Variants in PKP3 observed in about 807,000 individuals in gnomAD.
PKP3 encodes the protein plakophilin-3.
Under a neutral mutation model 76.5 loss-of-function variants are expected in PKP3, and 66 were observed. The observed-to-expected ratio is 0.86, with a 90% CI of 0.71 to 1.06. PKP3 has a LOEUF of 1.06. PKP3 is among the 50% of genes least tolerant of loss of function. PKP3 has a pLI of 0.00. For synonymous variants in PKP3, 638 were observed against 516.5 expected (o/e 1.24, Z -3.19); for missense variants, 1,338 against 1,141.0 (o/e 1.17, Z -2.49).
intron 2 of PKP3, 60 bp from the exon 3 acceptor site, chr11:396,754 C>T: frequency 1.9e-6 from 3 of 1,572,494 alleles, no homozygotes; most frequent in South Asian, 2.3e-5. Context: ...GGAGGCTCTG[C>T]AGCGGGCCCG....
In PKP3 at chr11:396,666, C is replaced by T; in HGVS notation, c.291C>T (p.Gly97=). The change falls in exon 2 of 13, where the codon GGC becomes GGT. Residue 97 remains glycine (G), a synonymous_variant. Transcript: ENST00000331563. The part of the protein sequence containing the change: ...LQAGFSSRSQ[G]LSGDKTSGFR... ...CTGGCTTCAGCTCTCGCTCTCAGGG[C>T]CTGAGTGGGGACAAGACCTCGGTGA... 1 of 1,611,164 alleles carries T rather than the reference C, an allele frequency of 6.2e-7. No individual in the cohort carries two copies.
chr11:403,602 C>T lies in PKP3; in HGVS notation c.1924-16C>T. 6.2e-7 allele frequency: 1 copy of T among 1,600,350 alleles called. No homozygotes were observed. Among genetic ancestry groups the T allele is most frequent in the Non-Finnish European group, 8.5e-7 (1 of 1,178,418 alleles). On this transcript the variant is annotated splice_polypyrimidine_tract_variant and intron_variant, in intron 9 of 12. Coordinates refer to ENST00000331563, the MANE Select transcript of PKP3 (RefSeq NM_007183.4). ...TGAGGCCTCCGGGTCACGGCTCACA[C>T]CCTCCCTCCCCACAGTGGGCGGGGG...
Position 400,103 on chromosome 11 carries a change from G to A in PKP3, c.1410G>A (p.Ser470=), listed in dbSNP as rs749983629. 40 of 1,587,332 alleles carry A rather than the reference G, an allele frequency of 2.5e-5. No homozygotes were observed. Among genetic ancestry groups the A allele is most frequent in the Non-Finnish European group, 3.0e-5 (35 of 1,170,856 alleles). The change falls in exon 6 of 13, where the codon TCG becomes TCA. Residue 470 remains serine (S), a synonymous_variant. Transcript: ENST00000331563. ...GGPPLIQQNA[S]EAEIFYNATG... is the part of the protein sequence containing the mutation. ...CCCCCCTCATCCAGCAGAACGCCTC[G>A]GAGGCAGAGATCTTCTACAACGCCA...
In PKP3 at chr11:394,257, G is replaced by A. The variant is rs966242838; in HGVS notation, c.-36G>A. 13 of 1,463,246 alleles carry A rather than the reference G, an allele frequency of 8.9e-6. No homozygotes were observed. In the African/African-American group the frequency reaches 1.5e-4, roughly 17 times the overall value. The allele number at this position is 1,463,246 out of a possible 1,614,324, so 90.6% of individuals were successfully genotyped here. A position where few individuals can be genotyped will look rare whatever the true frequency, so the allele number is the denominator to read the frequency against. On this transcript the variant is annotated 5_prime_UTR_variant, in exon 1 of 13. Coordinates refer to ENST00000331563, the MANE Select transcript of PKP3 (RefSeq NM_007183.4). ...GACGTGAAGATAGTTGGGTTTGGAG[G>A]CGGCCGCCAGGCCCAGGCCCGGTGG...
chr11:403,729 A>C lies in PKP3; in HGVS notation c.2035A>C (p.Ile679Leu). 6.2e-7 allele frequency: 1 copy of C among 1,609,738 alleles called. No individual in the cohort carries two copies. The highest frequency in any genetic ancestry group is 8.5e-7 in the Non-Finnish European group (1 of 1,179,866). ...HHQLRSLTGL[I>L]RNLSRNARNK... Reference sequence around the variant, plus strand: ...CCAGCTGCGCTCACTGACTGGCCTCATCCGAAACCTGTCTCGGAACGCTAG... The same window carrying C: ...CCAGCTGCGCTCACTGACTGGCCTCCTCCGAAACCTGTCTCGGAACGCTAG... The change falls in exon 10 of 13, where the codon ATC becomes CTC. Residue 679 changes from isoleucine (I) to leucine (L), a missense_variant. Physicochemically the swap from Ile to Leu is conservative, Grantham distance 5. Transcript: ENST00000331563.
Position 399,199 on chromosome 11 carries a change from G to A in PKP3, c.1273+3G>A. ...TGAGCTTCGCAAAAATGTCACAGGT[G>A]CTGCCTGTCCCCTCCTCCACCTGTC... On this transcript the variant is annotated splice_donor_region_variant and intron_variant, in intron 5 of 12. Transcript: ENST00000331563. The A allele has an allele frequency of 6.4e-7, 1 of 1,564,286 alleles. No individual in the cohort carries two copies. The highest frequency in any genetic ancestry group is 8.7e-7 in the Non-Finnish European group (1 of 1,152,524).
intron 1 of PKP3, 53 bp downstream of exon 1, chr11:394,577 G>A (rs930608924): frequency 5.7e-5 from 74 of 1,306,988 alleles, no homozygotes; most frequent in East Asian, 9.4e-5. Context: ...AGGTGGCTGC[G>A]GGCGGACGTG....
Position 397,074 on chromosome 11 carries a change from G to C in PKP3, c.573G>C (p.Leu191=). 4 of 1,598,694 alleles carry C rather than the reference G, an allele frequency of 2.5e-6. No homozygotes were observed. Among genetic ancestry groups the C allele is most frequent in the Non-Finnish European group, 3.4e-6 (4 of 1,179,522 alleles). The change falls in exon 3 of 13, where the codon CTG becomes CTC. Residue 191 remains leucine, a synonymous_variant. Coordinates refer to ENST00000331563, the MANE Select transcript of PKP3 (RefSeq NM_007183.4). ...CGCTGCGGCTGGGGCCCGGGGGCCT[G>C]GACGACCGCTACAGCCTGGTGTCTG... ...LRSLRLGPGG[L]DDRYSLVSEQ...
At chr11:394,025 G>T (rs866755914), upstream of PKP3, 26 of 435,202 alleles carry the variant, frequency 6.0e-5, no homozygotes, top group Middle Eastern at 1.2e-3. Context: ...GAGAAAAGGA[G>T]GCGGGAGGCC....
At chr11:393,074 C>T (rs1846996160), upstream of PKP3, among the ~76,000 whole-genome samples, 1 of 151,974 alleles carries the variant, frequency 6.6e-6, no homozygotes, top group African/African-American at 2.4e-5. Context: ...AGATGTTCAG[C>T]TCCCACCCCC....
At chr11:392,752 G>C, upstream of PKP3, 1 of 1,120,478 alleles carries the variant, frequency 8.9e-7, no homozygotes, top group Non-Finnish European at 1.2e-6. Flanking sequence ...CCCACCTGGT[G>C]GCCCCAGCCC....
chr11:403,762 G>A lies in PKP3; in HGVS notation c.2068G>A (p.Asp690Asn). ...RNLSRNARNK[D>N]EMSTKVVSHL... is the part of the protein sequence containing the mutation. ...CCTGTCTCGGAACGCTAGGAACAAG[G>A]ACGAGATGTGTGAGTCGGGCAGCCC... Residue 690 changes from aspartate (D) to asparagine (N), a missense_variant, in exon 10 of 13, where the codon GAC becomes AAC. Asp to Asn is a conservative substitution (Grantham distance 23). Transcript: ENST00000331563. 1 of 1,606,944 alleles carries A rather than the reference G, an allele frequency of 6.2e-7. No individual in the cohort carries two copies. Among genetic ancestry groups the A allele is most frequent in the Middle Eastern group, 1.7e-4 (1 of 6,060 alleles).
chr11:404,149 C>G lies in PKP3; in HGVS notation c.2270+14C>G. The G allele has an allele frequency of 6.2e-7, 1 of 1,608,206 alleles. No homozygotes were observed. The highest frequency in any genetic ancestry group is 8.5e-7 in the Non-Finnish European group (1 of 1,176,894). On this transcript the variant is annotated intron_variant, in intron 11 of 12. Transcript: ENST00000331563. This position sits in a 1 kb window ranked among gnomAD's most constrained non-coding sequence, Gnocchi z 4.2. Reference sequence around the variant, plus strand: ...GAAGCGGGACAGGTAGGGGCCGACCCAGCCGTGCAGCAGCCTGGTCAGGGG... The same window carrying G: ...GAAGCGGGACAGGTAGGGGCCGACCGAGCCGTGCAGCAGCCTGGTCAGGGG...
chr11:396,985 G>A lies in PKP3; in HGVS notation c.484G>A (p.Val162Met), dbSNP rs202136556. The A allele has an allele frequency of 1.4e-4, 225 of 1,593,960 alleles. 1 individual carries two copies. The highest frequency in any genetic ancestry group is 3.3e-4 in the African/African-American group (25 of 74,756). The change falls in exon 3 of 13, where the codon GTG becomes ATG. Residue 162 changes from valine to methionine, a missense_variant. Transcript: ENST00000331563. ...CACCCCTCCCATGCCCACCAGGCCCGTGTCCTTCCATGAGCGCGGTGGGGT... is the reference window on the plus strand; with the variant it reads ...CACCCCTCCCATGCCCACCAGGCCCATGTCCTTCCATGAGCGCGGTGGGGT... ...QPTPPMPTRPVSFHERGGVGS... is the reference protein window; with the variant it reads ...QPTPPMPTRPMSFHERGGVGS...
intron 1 of PKP3, among the ~76,000 whole-genome samples, chr11:395,424 G>C (rs997941266): frequency 2.6e-5 from 4 of 152,224 alleles, no homozygotes; most frequent in African/African-American, 9.6e-5. Context: ...GGCCTGGACT[G>C]TGGGGTCCTC....
At position 400,703 on chromosome 11, in the gene PKP3, G is replaced by A. The variant is rs1202416414; in HGVS notation, c.1735G>A (p.Glu579Lys). 1.6e-6 allele frequency: 2 copies of A among 1,261,704 alleles called. No individual in the cohort carries two copies. The highest frequency in any genetic ancestry group is 2.0e-6 in the Non-Finnish European group (2 of 999,932). 78.2% of individuals were successfully genotyped at this position (1,261,704 alleles called of 1,614,324 possible). The change falls in exon 8 of 13, where the codon GAG becomes AAG. Residue 579 changes from glutamate to lysine, a missense_variant and splice_region_variant. By Grantham distance (56) the Glu-to-Lys change is moderately conservative. Transcript: ENST00000331563. ...CFTPQSRRLR[E>K]LPLAADALTF... ...CACGCCGCAGAGCCGGCGGCTGCGC[G>A]AGGTGGGCACCAGCCTGAGCGGGGC... is the stretch of plus-strand genomic sequence containing the variant.
Position 400,057 on chromosome 11 carries a change from C to T in PKP3, c.1364C>T (p.Pro455Leu). The T allele has an allele frequency of 6.2e-7, 1 of 1,605,770 alleles. No homozygotes were observed. The highest frequency in any genetic ancestry group is 8.5e-7 in the Non-Finnish European group (1 of 1,177,850). ...CAGCTCACAGACCTGGTGTTGAGCC[C>T]CCTGTCGGGGGCTGGGGGTCCCCCC... ...LEQLTDLVLS[P>L]LSGAGGPPLI... Residue 455 changes from proline to leucine, a missense_variant, in exon 6 of 13, where the codon CCC becomes CTC. Transcript: ENST00000331563.
chr11:395,294 G>C (rs1409006317), intron 1 of PKP3, among the ~76,000 whole-genome samples: 1 of 152,224 alleles, frequency 6.6e-6, no homozygotes, highest in African/African-American at 2.4e-5. Context: ...CAGAATGCCA[G>C]GGACCCAGAT....
At chr11:399,912 A>G (rs1847120700) in intron 5 of PKP3, 55 bp from the exon 6 acceptor site, 5 of 1,443,718 alleles carry the variant, frequency 3.5e-6, no homozygotes, top group Non-Finnish European at 3.8e-6. Flanking sequence ...CCATCCCCAG[A>G]AACGCGGAGG....
Sources: allele counts gnomAD v4.1 joint callset (sites outside exome capture counted in the v4.1 genomes callset), GRCh38; gene constraint gnomAD v4.1.1; non-coding constraint Gnocchi (gnomAD v3.1); transcripts MANE v1.5; gene names NCBI Gene and HGNC (gene_info 2026-07-23, HGNC 2026-07-21).